The following NBEA variants were observed in gnomAD, a reference collection of about 807,000 sequenced individuals.
NBEA encodes neurobeachin.
A neutral mutation model predicts 343.4 loss-of-function variants in NBEA; 44 were observed. The observed-to-expected ratio is 0.13, with a 90% CI of 0.10 to 0.16. The LOEUF is 0.16. NBEA is among the 10% of genes least tolerant of loss of function. The probability of loss-of-function intolerance (pLI) is 1.00; values close to 1 mark genes in which losing one functional copy is unlikely to be tolerated. For missense variants in NBEA, 2,555 were observed against 3,631.3 expected (o/e 0.70, Z 7.62); for synonymous variants, 1,175 against 1,238.7 (o/e 0.95, Z 1.08).
In NBEA at chr13:35,026,164, C is replaced by T. The variant is rs558691185; in HGVS notation, c.295-14769C>T. 1.5e-4 allele frequency among the ~76,000 whole-genome samples: 23 copies of T among 152,150 alleles called. No individual in the cohort carries two copies. The South Asian group carries it at 4.6e-3, about 30-fold the overall frequency. On this transcript the variant is annotated intron_variant, in intron 1 of 58. Coordinates refer to ENST00000379939, the MANE Select transcript of NBEA (RefSeq NM_001385012.1). ...GGTTTCATAAGCATCTGGCATTTCC[C>T]CTGCTTGCCCTCATTCTGTCTCCTG...
chr13:34,956,714 C>A (rs1309771408), intron 1 of NBEA, among the ~76,000 whole-genome samples: 1 of 152,136 alleles, frequency 6.6e-6, no homozygotes, highest in Non-Finnish European at 1.5e-5. Context: ...TATTGTTAAT[C>A]ATAGTCACTG....
intron 1 of NBEA, among the ~76,000 whole-genome samples, chr13:34,996,077 T>G (rs1328740885): frequency 6.6e-6 from 1 of 152,152 alleles, no homozygotes; most frequent in Admixed American, 6.6e-5. Flanking sequence ...AATTTGAAAT[T>G]GTGTCAGAAT....
chr13:35,373,980 C>T (rs1330880687), intron 38 of NBEA, among the ~76,000 whole-genome samples: 4 of 152,036 alleles, frequency 2.6e-5, no homozygotes, highest in Admixed American at 2.6e-4. Context: ...TTATTGTAGC[C>T]TCCTTCATCA....
At chr13:35,537,310 T>C (rs2078606600) in intron 41 of NBEA, among the ~76,000 whole-genome samples, 2 of 151,992 alleles carry the variant, frequency 1.3e-5, no homozygotes, top group Admixed American at 6.6e-5. Context: ...ATACAGGGTC[T>C]CCTAGCTTAA....
At chr13:35,308,462 A>ATATATG (rs1566596977) in intron 35 of NBEA, among the ~76,000 whole-genome samples, 18 of 110,178 alleles carry the variant, frequency 1.6e-4, no homozygotes, top group South Asian at 5.5e-4. Context: ...ATATATATAT[A>ATATATG]TATATATATA....
intron 49 of NBEA, among the ~76,000 whole-genome samples, chr13:35,630,756 AG>A (rs2083413092): frequency 6.6e-6 from 1 of 152,076 alleles, no homozygotes; most frequent in Non-Finnish European, 1.5e-5. Flanking sequence ...CCCTTCCCCC[AG>A]CCCCCAGAGG....
intron 35 of NBEA, among the ~76,000 whole-genome samples, chr13:35,300,108 C>A (rs926604349): frequency 2.0e-5 from 3 of 152,052 alleles, no homozygotes; most frequent in African/African-American, 4.8e-5. Flanking sequence ...ATATTTTATC[C>A]AATTATTTTT....
intron 41 of NBEA, among the ~76,000 whole-genome samples, chr13:35,515,767 T>G (rs2077463325): frequency 6.7e-6 from 1 of 149,526 alleles, no homozygotes; most frequent in African/African-American, 2.5e-5. Flanking sequence ...TTTTTAAATT[T>G]AAATATATTT....
At chr13:35,626,996 A>G (rs1165497356) in intron 48 of NBEA, among the ~76,000 whole-genome samples, 2 of 152,204 alleles carry the variant, frequency 1.3e-5, no homozygotes, top group Non-Finnish European at 2.9e-5. Flanking sequence ...ATAAATTACT[A>G]GTTAAATGTG....
At chr13:35,442,477 G>A (rs960925225) in intron 39 of NBEA, among the ~76,000 whole-genome samples, 14 of 152,012 alleles carry the variant, frequency 9.2e-5, no homozygotes, top group Admixed American at 7.2e-4. Context: ...TTACCGTCAC[G>A]TATATTCTTA....
intron 34 of NBEA, among the ~76,000 whole-genome samples, chr13:35,262,587 T>G (rs1054316326): frequency 5.9e-5 from 9 of 152,194 alleles, no homozygotes; most frequent in Admixed American, 5.2e-4. Flanking sequence ...AAAAGTTACA[T>G]ATTGTGTATT....
intron 44 of NBEA, among the ~76,000 whole-genome samples, chr13:35,558,497 A>G (rs2153019801): frequency 6.6e-6 from 1 of 152,312 alleles, no homozygotes; most frequent in African/African-American, 2.4e-5. Context: ...TTGGATGAGC[A>G]TATGGCAGCA....
Position 35,232,542 on chromosome 13 carries a change from G to T in NBEA, c.5699G>T (p.Arg1900Leu). 6.4e-7 allele frequency: 1 copy of T among 1,551,560 alleles called. No individual in the cohort carries two copies. Among genetic ancestry groups the T allele is most frequent in the Non-Finnish European group, 8.7e-7 (1 of 1,146,432 alleles). Residue 1900 changes from arginine (R) to leucine (L), a missense_variant, in exon 34 of 59, where the codon CGT becomes CTT. Arg to Leu is a moderately radical substitution (Grantham distance 102). This residue lies in a region of NBEA where 84 missense variants were observed against 196.4 expected (regional missense o/e 0.43). Transcript: ENST00000379939. ...RALEKVAPLL[R>L]EIFVDFAPFL... ...TTAGAAAAAGTTGCTCCTCTTCTTC[G>T]TGAAATTTTTGTAGACTTTGCCCCA...
chr13:35,346,809 A>T (rs1332410095), intron 36 of NBEA, among the ~76,000 whole-genome samples: 1 of 152,148 alleles, frequency 6.6e-6, no homozygotes, highest in East Asian at 1.9e-4. Flanking sequence ...CCTAAATCTT[A>T]TCAAGGAGTG....
At chr13:35,636,491 T>C (rs2083696934) in intron 49 of NBEA, among the ~76,000 whole-genome samples, 1 of 152,136 alleles carries the variant, frequency 6.6e-6, no homozygotes, top group South Asian at 2.1e-4. Context: ...TCAATGTCAT[T>C]CCACATACCA....
In NBEA at chr13:35,506,567, G is replaced by A. The variant is rs576221725; in HGVS notation, c.6585+34031G>A. Reference sequence around the variant, plus strand: ...AAATGCTATAGTTAAAACAGCCCAGGGGTCAGGTGGGTTCGTGTTCTGTCC... The same window carrying A: ...AAATGCTATAGTTAAAACAGCCCAGAGGTCAGGTGGGTTCGTGTTCTGTCC... On this transcript the variant is annotated intron_variant, in intron 41 of 58. Coordinates refer to ENST00000379939, the MANE Select transcript of NBEA (RefSeq NM_001385012.1). Among the ~76,000 whole-genome samples, 5 of 152,160 alleles carry A rather than the reference G, an allele frequency of 3.3e-5. No homozygotes were observed. The South Asian group carries it at 1.0e-3, about 32-fold the overall frequency.
chr13:35,208,902 G>T, intron 32 of NBEA, 48 bp downstream of exon 32: 9 of 1,318,848 alleles, frequency 6.8e-6, no homozygotes, highest in South Asian at 1.8e-5. Flanking sequence ...TATGTTTTCT[G>T]TATCATTTTT....
At chr13:35,006,639 ATC>A (rs1465493518) in intron 1 of NBEA, among the ~76,000 whole-genome samples, 1 of 152,110 alleles carries the variant, frequency 6.6e-6, no homozygotes, top group Non-Finnish European at 1.5e-5. Context: ...TTTGTTGGAA[ATC>A]TACTTTTTAC....
At chr13:35,095,621 C>A (rs2065294394) in intron 10 of NBEA, among the ~76,000 whole-genome samples, 1 of 151,746 alleles carries the variant, frequency 6.6e-6, no homozygotes, top group African/African-American at 2.4e-5. Flanking sequence ...TTATTAACAT[C>A]ATTTTCCTTA....
Sources: allele counts gnomAD v4.1 joint callset (sites outside exome capture counted in the v4.1 genomes callset), GRCh38; gene constraint gnomAD v4.1.1; regional missense constraint gnomAD v4.1.1; transcripts MANE v1.5; gene names NCBI Gene and HGNC (gene_info 2026-07-23, HGNC 2026-07-21).